Variants in NELL2 observed in about 807,000 individuals in gnomAD.
The protein encoded by NELL2 is neural EGFL like 2, also known as protein kinase C-binding protein NELL2.
Under a neutral mutation model 109.6 loss-of-function variants are expected in NELL2, and 41 were observed. The ratio of observed to expected loss-of-function variants is 0.37; its 90% CI spans 0.29 to 0.49. NELL2 has a LOEUF of 0.49. Among genes scored for constraint, NELL2 ranks in the 20% least tolerant of loss-of-function variants. The pLI, the probability that NELL2 is intolerant of heterozygous loss-of-function variation, is 0.98. For missense variants in NELL2, 900 were observed against 1,008.3 expected, an observed-to-expected ratio of 0.89 and a Z score of 1.45; for synonymous variants, 355 against 344.7, an observed-to-expected ratio of 1.03 and a Z score of -0.33.
intron 9 of NELL2, among the ~76,000 whole-genome samples, chr12:44,764,701 C>G (rs923527439): frequency 2.6e-5 from 4 of 152,178 alleles, no homozygotes; most frequent in Admixed American, 1.3e-4. Flanking sequence ...ACAGCAGTAA[C>G]CTCCCTAAGC....
intron 9 of NELL2, among the ~76,000 whole-genome samples, chr12:44,755,166 T>C (rs1218180617): frequency 6.6e-6 from 1 of 152,154 alleles, no homozygotes; most frequent in Non-Finnish European, 1.5e-5. Context: ...AATCCTGTTA[T>C]TCCAGCAAGA....
At chr12:44,718,739 T>C (rs768657740) in intron 9 of NELL2, among the ~76,000 whole-genome samples, 3 of 152,246 alleles carry the variant, frequency 2.0e-5, no homozygotes, top group Non-Finnish European at 4.4e-5. Context: ...CTTATCAGTT[T>C]GTAGACTAAG....
chr12:44,613,751 GA>G (rs1945714330), intron 13 of NELL2, among the ~76,000 whole-genome samples: 1 of 151,922 alleles, frequency 6.6e-6, no homozygotes. Flanking sequence ...CACAAAAACA[GA>G]ATATAAATGA....
intron 3 of NELL2, among the ~76,000 whole-genome samples, chr12:44,780,577 C>T (rs1312889703): frequency 1.3e-5 from 2 of 151,904 alleles, no homozygotes; most frequent in African/African-American, 4.8e-5. Context: ...CCCTCCCAGG[C>T]AGTAATGAGG....
intron 2 of NELL2, among the ~76,000 whole-genome samples, chr12:44,874,794 A>T (rs1272611748): frequency 6.6e-6 from 1 of 152,184 alleles, no homozygotes; most frequent in East Asian, 1.9e-4. Context: ...CCAGAAAGCT[A>T]CCCCCATAAA....
intron 2 of NELL2, among the ~76,000 whole-genome samples, chr12:44,858,647 A>C (rs1414924404): frequency 6.6e-6 from 1 of 152,218 alleles, no homozygotes; most frequent in Non-Finnish European, 1.5e-5. Flanking sequence ...TCACCACAAC[A>C]ACAGTATTCA....
chr12:44,812,822 A>G (rs1943222167), intron 3 of NELL2, among the ~76,000 whole-genome samples: 1 of 152,122 alleles, frequency 6.6e-6, no homozygotes, highest in South Asian at 2.1e-4. Context: ...GCTGAAAAAA[A>G]GGCAATAAAG....
chr12:44,786,371 A>G (rs2136615977), intron 3 of NELL2, among the ~76,000 whole-genome samples: 1 of 152,312 alleles, frequency 6.6e-6, no homozygotes, highest in East Asian at 1.9e-4. Context: ...AAAAGTCAGG[A>G]AACAACAGAT....
At chr12:44,628,801 C>T (rs1242293625) in intron 13 of NELL2, among the ~76,000 whole-genome samples, 1 of 152,122 alleles carries the variant, frequency 6.6e-6, no homozygotes, top group African/African-American at 2.4e-5. Context: ...AGCCCAGTAC[C>T]CAGGCCGTAT....
chr12:44,639,845 C>CCTT (rs1413791771), intron 13 of NELL2, among the ~76,000 whole-genome samples: 4 of 151,578 alleles, frequency 2.6e-5, no homozygotes, highest in Non-Finnish European at 5.9e-5. Context: ...AATGGAAACT[C>CCTT]CTTCCATGGT....
At chr12:44,699,593 C>T (rs955472441) in intron 12 of NELL2, among the ~76,000 whole-genome samples, 2 of 152,088 alleles carry the variant, frequency 1.3e-5, no homozygotes. Flanking sequence ...TAGAAGAACT[C>T]TCTCTCCTTT....
intron 15 of NELL2, among the ~76,000 whole-genome samples, chr12:44,589,443 G>C (rs1038125756): frequency 4.0e-5 from 6 of 151,016 alleles, no homozygotes; most frequent in African/African-American, 1.5e-4. Flanking sequence ...ATCCAGGCTG[G>C]AGTGATCTCA....
chr12:44,512,808 G>A (rs1941059364), intron 19 of NELL2, among the ~76,000 whole-genome samples: 1 of 152,006 alleles, frequency 6.6e-6, no homozygotes, highest in African/African-American at 2.4e-5. Flanking sequence ...GAAGCTAGGA[G>A]GAGTATAGGG....
intron 12 of NELL2, among the ~76,000 whole-genome samples, chr12:44,690,167 A>T (rs116510774): frequency 1.3e-5 from 2 of 152,202 alleles, no homozygotes; most frequent in African/African-American, 4.8e-5. Context: ...TGCATTTTTC[A>T]TAAGATCCTC....
chr12:44,801,056 T>A (rs1234057863), intron 3 of NELL2, among the ~76,000 whole-genome samples: 2 of 152,156 alleles, frequency 1.3e-5, no homozygotes, highest in African/African-American at 4.8e-5. Flanking sequence ...AGTTCCCAAC[T>A]GAAATGGTTA....
intron 1 of NELL2, among the ~76,000 whole-genome samples, chr12:44,884,222 A>T (rs1353221390): frequency 2.6e-5 from 4 of 151,960 alleles, no homozygotes; most frequent in Non-Finnish European, 5.9e-5. Flanking sequence ...ACAAAAAATT[A>T]TCAGGAAGAA....
At chr12:44,708,037 C>T (rs1937981231) in intron 11 of NELL2, among the ~76,000 whole-genome samples, 1 of 152,066 alleles carries the variant, frequency 6.6e-6, no homozygotes, top group South Asian at 2.1e-4. Flanking sequence ...AATGATCTTG[C>T]AGGCAGACAA....
intron 1 of NELL2, among the ~76,000 whole-genome samples, chr12:44,889,168 A>T (rs780960535): frequency 1.6e-4 from 24 of 152,026 alleles, no homozygotes; most frequent in Non-Finnish European, 3.4e-4. Flanking sequence ...AAATAATGGT[A>T]ATTTAAATCA....
chr12:44,717,495 T>C (rs774672068), intron 9 of NELL2, among the ~76,000 whole-genome samples: 37 of 152,158 alleles, frequency 2.4e-4, no homozygotes, highest in Admixed American at 6.6e-4. Flanking sequence ...TGAAATTCTA[T>C]GATTAAATAA....
Sources: gnomAD v4.1 joint callset for allele counts (sites outside exome capture counted in the v4.1 genomes callset) on GRCh38, gnomAD v4.1.1 for gene constraint, MANE v1.5 for transcripts, NCBI Gene and HGNC (gene_info 2026-07-23, HGNC 2026-07-21) for gene names.